AFMID: variants seen among roughly 807,000 people sequenced by gnomAD.
AFMID encodes kynurenine formamidase.
In AFMID, 39 loss-of-function variants were observed where a neutral mutation model predicts 47.5. The ratio of observed to expected loss-of-function variants is 0.82; its 90% CI spans 0.64 to 1.07. The LOEUF (loss-of-function observed/expected upper bound fraction) is 1.07. AFMID is among the 50% of genes least tolerant of loss of function. The probability of loss-of-function intolerance (pLI) is 0.00; values close to 1 mark genes in which losing one functional copy is unlikely to be tolerated. For synonymous variants in AFMID, 130 were observed against 153.2 expected (o/e 0.85, Z 1.12); for missense variants, 375 against 387.5 (o/e 0.97, Z 0.27).
chr17:78,191,218 G>T (rs1310810058), intron 2 of AFMID, among the ~76,000 whole-genome samples, 158 bp downstream of exon 2: 1 of 152,168 alleles, frequency 6.6e-6, no homozygotes, highest in Admixed American at 6.6e-5. Context: ...CTCAGGGGCA[G>T]GTGCCCAGGA....
intron 7 of AFMID, 54 bp from the exon 8 acceptor site, chr17:78,205,386 C>A: frequency 6.3e-7 from 1 of 1,598,684 alleles, no homozygotes. Flanking sequence ...GGTGGGCTGG[C>A]CCTGCCTTGC....
chr17:78,206,690 A>AC (rs143832284), intron 10 of AFMID, among the ~76,000 whole-genome samples: 6,539 of 110,684 alleles, frequency 0.059, 295 homozygotes, highest in East Asian at 0.24. Context: ...TCCTCCCCCT[A>AC]CCCCCCCTTC....
At chr17:78,193,370 CAAAAAAAAAA>C (rs199993168) in intron 2 of AFMID, among the ~76,000 whole-genome samples, 99 of 68,938 alleles carry the variant, frequency 1.4e-3, no homozygotes, top group African/African-American at 2.7e-3. Context: ...GACTCTGTCT[CAAAAAAAAAA>C]AAAAAAAAAA....
At chr17:78,205,297 A>G in intron 7 of AFMID, 107 bp downstream of exon 7, 1 of 1,415,670 alleles carries the variant, frequency 7.1e-7, no homozygotes, top group South Asian at 1.2e-5. Context: ...GCTTGACCGC[A>G]GGGCTTCGAG....
At chr17:78,202,920 C>T in intron 4 of AFMID, 169 bp downstream of exon 4, 1 of 826,250 alleles carries the variant, frequency 1.2e-6, no homozygotes, top group South Asian at 1.7e-5. Flanking sequence ...GGGCAGGGTT[C>T]CTAGGGAGGG....
intron 4 of AFMID, among the ~76,000 whole-genome samples, 168 bp from the exon 5 acceptor site, chr17:78,204,488 C>A (rs1018714905): frequency 2.0e-5 from 3 of 152,160 alleles, no homozygotes; most frequent in African/African-American, 7.2e-5. Context: ...CCGTAGCTAG[C>A]ATGTGATGTG....
At position 78,201,944 on chromosome 17, in the gene AFMID, G is replaced by A. The variant is rs184835198; in HGVS notation, c.155-555G>A. Among the ~76,000 whole-genome samples, 572 of 151,452 alleles carry A rather than the reference G, an allele frequency of 3.8e-3. 3 individuals carry two copies. The highest frequency in any genetic ancestry group is 0.017 in the Middle Eastern group (5 of 292). On this transcript the variant is annotated intron_variant, in intron 2 of 10. Coordinates refer to ENST00000409257, the MANE Select transcript of AFMID (RefSeq NM_001010982.5). ...ACAGGGTTTCACCATGTTAGCCAGGGTGGTCTCGATCTCCTGACCTCGTGA... is the reference window on the plus strand; with the variant it reads ...ACAGGGTTTCACCATGTTAGCCAGGATGGTCTCGATCTCCTGACCTCGTGA...
rs560188222 is a variant in AFMID, at chr17:78,196,728, G to A, written c.154+5668G>A. Among the ~76,000 whole-genome samples, 5 of 152,088 alleles carry A rather than the reference G, an allele frequency of 3.3e-5. No individual in the cohort carries two copies. The East Asian group carries it at 9.6e-4, about 29-fold the overall frequency. On this transcript the variant is annotated intron_variant, in intron 2 of 10. Coordinates refer to ENST00000409257, the MANE Select transcript of AFMID (RefSeq NM_001010982.5). ...TTCTAACCCAAAACAATTGAAAACA[G>A]GTACTCAAACAAGCATTTTTACACG...
chr17:78,207,273 CTTTTTTTTTTTTT>C lies in AFMID; in HGVS notation c.*352_*364del, dbSNP rs1163959276. Reference sequence around the variant, plus strand: ...ACGCTCAAAAGTAATGCCATTACTTCTTTTTTTTTTTTTTTTTTTTTTTTTTTTGAGATGGAGT... The same window carrying C: ...ACGCTCAAAAGTAATGCCATTACTTCTTTTTTTTTTTTTTTGAGATGGAGT... On this transcript the variant is annotated 3_prime_UTR_variant, in exon 11 of 11. Coordinates refer to ENST00000409257, the MANE Select transcript of AFMID (RefSeq NM_001010982.5). The C allele has an allele frequency of 9.4e-5, 8 of 85,386 alleles. No homozygotes were observed. The highest frequency in any genetic ancestry group is 4.7e-4 in the Admixed American group (2 of 4,284). The allele number at this position is 85,386 out of a possible 1,614,324, so 5.3% of individuals were successfully genotyped here.
intron 1 of AFMID, 90 bp downstream of exon 1, chr17:78,187,523 T>A (rs2075826938): frequency 2.0e-6 from 3 of 1,466,946 alleles, no homozygotes; most frequent in Non-Finnish European, 2.8e-6. Flanking sequence ...TTAGAAGCCG[T>A]CTAGAGCACT....
At chr17:78,192,112 C>G (rs991317989) in intron 2 of AFMID, among the ~76,000 whole-genome samples, 20 of 151,580 alleles carry the variant, frequency 1.3e-4, no homozygotes, top group African/African-American at 4.9e-4. Flanking sequence ...GCTTCTCCTG[C>G]CTCAGCTTCC....
At chr17:78,206,338 C>CAAAAA (rs60780262) in intron 10 of AFMID, among the ~76,000 whole-genome samples, 2 of 104,024 alleles carry the variant, frequency 1.9e-5, no homozygotes, top group African/African-American at 3.3e-5. Context: ...GACTCTGTCT[C>CAAAAA]AAAAAAAAAA....
At chr17:78,206,338 CAAAAAAAAAAA>C (rs60780262) in intron 10 of AFMID, among the ~76,000 whole-genome samples, 47,729 of 105,660 alleles carry the variant, frequency 0.45, 8,765 homozygotes, top group Admixed American at 0.54. Context: ...GACTCTGTCT[CAAAAAAAAAAA>C]AAAAAAAAAA....
rs2076331355 is a variant in AFMID at position 78,204,720 on chromosome 17, G to A, written c.373G>A (p.Ala125Thr). ...ACAGGGAGTGGCCGTGGTAATAGTG[G>A]CTTACGGCATCGCCCCCAAAGGTAA... ...TAQGVAVVIV[A>T]YGIAPKGTLD... Residue 125 changes from alanine (A) to threonine (T), a missense_variant, in exon 5 of 11, where the codon GCT becomes ACT. Transcript: ENST00000409257. 1 of 1,614,062 alleles carries A rather than the reference G, an allele frequency of 6.2e-7. No homozygotes were observed. The highest frequency in any genetic ancestry group is 1.7e-5 in the Admixed American group (1 of 59,988).
intron 2 of AFMID, among the ~76,000 whole-genome samples, chr17:78,198,049 C>T (rs573927712): frequency 7.2e-5 from 11 of 152,038 alleles, no homozygotes; most frequent in African/African-American, 2.7e-4. Flanking sequence ...GGCAACATGG[C>T]GAAACCCTGT....
chr17:78,196,000 C>A (rs2076102371), intron 2 of AFMID, among the ~76,000 whole-genome samples: 1 of 152,176 alleles, frequency 6.6e-6, no homozygotes, highest in Non-Finnish European at 1.5e-5. Flanking sequence ...CGCCCACCAC[C>A]ATGCCCAGCT....
chr17:78,201,762 G>T (rs1040856884), intron 2 of AFMID, among the ~76,000 whole-genome samples: 30 of 151,842 alleles, frequency 2.0e-4, no homozygotes, highest in Admixed American at 1.9e-3. Context: ...TTGGCGTCTC[G>T]CTCTGTCCCC....
At position 78,190,881 on chromosome 17, in the gene AFMID, A is replaced by G. The variant is rs1198344473; in HGVS notation, c.64-89A>G. The G allele has an allele frequency of 4.3e-6, 5 of 1,173,352 alleles. No homozygotes were observed. In the East Asian group the frequency reaches 1.3e-4, roughly 30 times the overall value. 72.7% of individuals were successfully genotyped at this position (1,173,352 alleles called of 1,614,324 possible). A position where few individuals can be genotyped will look rare whatever the true frequency, so the allele number is the denominator to read the frequency against. ...ATACTGGGGCGAGGGCTTCTAAGGC[A>G]GAGAGGAGCAGCCGGGCATGGGCGA... On this transcript the variant is annotated intron_variant, in intron 1 of 10. Transcript: ENST00000409257.
At chr17:78,202,444 A>T in intron 2 of AFMID, 55 bp from the exon 3 acceptor site, 1 of 1,564,076 alleles carries the variant, frequency 6.4e-7, no homozygotes, top group Non-Finnish European at 8.8e-7. Context: ...AAAGAAAAGA[A>T]AAATTTCTAC....
Sources: allele counts gnomAD v4.1 joint callset (sites outside exome capture counted in the v4.1 genomes callset), GRCh38; gene constraint gnomAD v4.1.1; transcripts MANE v1.5; gene names NCBI Gene and HGNC (gene_info 2026-07-23, HGNC 2026-07-21).